Variants in PLOD1 observed in about 807,000 individuals in gnomAD.
PLOD1 encodes the protein procollagen-lysine,2-oxoglutarate 5-dioxygenase 1, also known as lysine hydroxylase.
Under a neutral mutation model 94.7 loss-of-function variants are expected in PLOD1, and 70 were observed. The ratio of observed to expected loss-of-function variants is 0.74; its 90% confidence interval spans 0.61 to 0.90. The LOEUF (loss-of-function observed/expected upper bound fraction) is 0.90. Ranked by LOEUF, PLOD1 falls within the 40% of genes least tolerant of loss-of-function variation. The pLI, the probability that PLOD1 is intolerant of heterozygous loss-of-function variation, is 0.00. For synonymous variants in PLOD1, 417 were observed against 400.2 expected, an observed-to-expected ratio of 1.04 and a Z score of -0.50; for missense variants, 905 against 972.7, an observed-to-expected ratio of 0.93 and a Z score of 0.93.
At chr1:11,961,878 T>C (rs1459243986) in intron 10 of PLOD1, among the ~76,000 whole-genome samples, 2 of 152,194 alleles carry the variant, frequency 1.3e-5, no homozygotes, top group Non-Finnish European at 2.9e-5. Flanking sequence ...AACCTCCCCG[T>C]CCCAGGTTCA....
rs1047089935 is a variant in PLOD1 at position 11,963,626 on chromosome 1, C to A, written c.1192C>A (p.Gln398Lys). The A allele has an allele frequency of 8.8e-6, 14 of 1,591,952 alleles. No homozygotes were observed. Among genetic ancestry groups the A allele is most frequent in the Non-Finnish European group, 1.2e-5 (14 of 1,169,206 alleles). Residue 398 changes from glutamine to lysine, a missense_variant, in exon 11 of 19, where the codon CAA becomes AAA. By Grantham distance (53) the Gln-to-Lys change is moderately conservative. Transcript: ENST00000196061. The surrounding 1 kb of genome is among the most constrained non-coding windows in gnomAD (Gnocchi z 4.3). ...TEPNSLRLLI[Q>K]QNKNVIAPLM... ...GCCCAACAGCCTGCGGCTGCTGATCCAACAGAACAAGTGAGGCTGCTCCGT... is the reference window on the plus strand; with the variant it reads ...GCCCAACAGCCTGCGGCTGCTGATCAAACAGAACAAGTGAGGCTGCTCCGT...
rs1407268183 is a variant in PLOD1 at position 11,958,657 on chromosome 1, A to C, written c.975+10A>C. 2 of 1,614,018 alleles carry C rather than the reference A, an allele frequency of 1.2e-6. No homozygotes were observed. Among genetic ancestry groups the C allele is most frequent in the East Asian group, 4.5e-5 (2 of 44,884 alleles). On this transcript the variant is annotated intron_variant, in intron 9 of 18. Coordinates refer to ENST00000196061, the MANE Select transcript of PLOD1 (RefSeq NM_000302.4). The surrounding 1 kb of genome is among the most constrained non-coding windows in gnomAD (Gnocchi z 4.3). ...TTTCATCCACAACCACGTGAGTAAC[A>C]GGCGCTCTGTGGGGTCGTCATGTGG...
chr1:11,938,508 G>A (rs1397586389), intron 1 of PLOD1, among the ~76,000 whole-genome samples: 2 of 152,166 alleles, frequency 1.3e-5, no homozygotes, highest in Non-Finnish European at 2.9e-5. Flanking sequence ...CTGGACAGGA[G>A]GACAGAGTGG....
rs964280398 is a variant in PLOD1, at chr1:11,963,996, G to A, written c.1203-179G>A. 2.6e-5 allele frequency among the ~76,000 whole-genome samples: 4 copies of A among 152,168 alleles called. No individual in the cohort carries two copies. Among genetic ancestry groups the A allele is most frequent in the African/African-American group, 9.7e-5 (4 of 41,450 alleles). On this transcript the variant is annotated intron_variant, in intron 11 of 18. Coordinates refer to ENST00000196061, the MANE Select transcript of PLOD1 (RefSeq NM_000302.4). This position sits in a 1 kb window ranked among gnomAD's most constrained non-coding sequence, Gnocchi z 4.3. ...GCTCCTGGCTGCCCCATGGGAGGGAGCAGGTACCAGAAGAGCCAAACCCCC... is the reference window on the plus strand; with the variant it reads ...GCTCCTGGCTGCCCCATGGGAGGGAACAGGTACCAGAAGAGCCAAACCCCC...
intron 1 of PLOD1, among the ~76,000 whole-genome samples, chr1:11,946,631 A>G (rs1645656429): frequency 6.6e-6 from 1 of 152,150 alleles, no homozygotes; most frequent in Non-Finnish European, 1.5e-5. Context: ...GGCCAGAGAG[A>G]TCTTCCTGGT....
chr1:11,963,065 A>G lies in PLOD1; in HGVS notation c.1098-467A>G, dbSNP rs1342668494. The stretch of plus-strand genomic sequence containing the variant: ...CAAAAAAATAAAATAAAATAAAAAT[A>G]AAAAAAAGAAAAACATAAAGCTGTT... On this transcript the variant is annotated intron_variant, in intron 10 of 18. Transcript: ENST00000196061. The surrounding 1 kb of genome is among the most constrained non-coding windows in gnomAD (Gnocchi z 4.3). Among the ~76,000 whole-genome samples, 1 of 151,986 alleles carries G rather than the reference A, an allele frequency of 6.6e-6. No homozygotes were observed. Among genetic ancestry groups the G allele is most frequent in the East Asian group, 1.9e-4 (1 of 5,190 alleles).
At chr1:11,948,281 T>C (rs1167170155) in intron 2 of PLOD1, among the ~76,000 whole-genome samples, 1 of 151,450 alleles carries the variant, frequency 6.6e-6, no homozygotes, top group Non-Finnish European at 1.5e-5. Flanking sequence ...AGGGAAAGAG[T>C]TGGCTAAAGA....
At position 11,965,563 on chromosome 1, in the gene PLOD1, C is replaced by G. The variant is rs759491848; in HGVS notation, c.1554C>G (p.Asn518Lys). ...LDSYRTTHLHNDLWEVFSNPE... is the reference protein window; with the variant it reads ...LDSYRTTHLHKDLWEVFSNPE... ...GCTACCGCACCACCCACCTGCACAA[C>G]GACCTCTGGGAGGTGTTCAGCAACC... The change falls in exon 14 of 19, where the codon AAC (asparagine) becomes AAG (lysine). Residue 518 changes from asparagine (N) to lysine (K), a missense_variant. Transcript: ENST00000196061. The G allele has an allele frequency of 2.5e-6, 4 of 1,613,218 alleles. No homozygotes were observed. Among genetic ancestry groups the G allele is most frequent in the South Asian group, 1.1e-5 (1 of 91,078 alleles).
chr1:11,964,327 T>TCCTCCCGGGGGGGGGGGGGGGGGGG, intron 12 of PLOD1, 27 bp downstream of exon 12: 1 of 546,372 alleles, frequency 1.8e-6, no homozygotes, highest in Non-Finnish European at 3.2e-6. Flanking sequence ...TGGGGGTGGG[T>TCCTCCCGGGGGGGGGGGGGGGGGGG]GGGGGACACC....
At chr1:11,935,984 A>G (rs2092857) in intron 1 of PLOD1, among the ~76,000 whole-genome samples, 17,903 of 151,914 alleles carry the variant, frequency 0.12, 1,599 homozygotes, top group African/African-American at 0.26. Flanking sequence ...ATGTGCCACC[A>G]TGCCCAGCTA....
chr1:11,946,544 T>G (rs1334970970), intron 1 of PLOD1, among the ~76,000 whole-genome samples: 10 of 152,218 alleles, frequency 6.6e-5, no homozygotes, highest in Admixed American at 5.2e-4. Context: ...ATTAGCAATG[T>G]CTGTCCTGGG....
At chr1:11,950,266 A>AGC (rs570145177) in intron 3 of PLOD1, 91 bp from the exon 4 acceptor site, 9 of 1,277,274 alleles carry the variant, frequency 7.0e-6, no homozygotes, top group Non-Finnish European at 1.0e-5. Flanking sequence ...CCATTTGTGG[A>AGC]GCACTTGATC....
chr1:11,966,346 G>A (rs892437569), intron 15 of PLOD1, 30 bp downstream of exon 15: 1 of 1,544,886 alleles, frequency 6.5e-7, no homozygotes. Flanking sequence ...TCTTGGACCA[G>A]CCTTGCCTGC....
intron 12 of PLOD1, 127 bp from the exon 13 acceptor site, chr1:11,964,517 C>A (rs1474825808): frequency 9.0e-6 from 9 of 996,476 alleles, no homozygotes; most frequent in South Asian, 5.3e-5. Flanking sequence ...ATTGTGCCCC[C>A]CTAGCCTGTG....
chr1:11,957,876 G>T lies in PLOD1; in HGVS notation c.776G>T (p.Arg259Leu). Residue 259 changes from arginine (R) to leucine (L), a missense_variant, in exon 8 of 19, where the codon CGC becomes CTC. Physicochemically the swap from Arg to Leu is moderately radical, Grantham distance 102. Coordinates refer to ENST00000196061, the MANE Select transcript of PLOD1 (RefSeq NM_000302.4). This position sits in a 1 kb window ranked among gnomAD's most constrained non-coding sequence, Gnocchi z 4.1. ...QLNYLGNYIP[R>L]FWTFETGCTV... ...AACTACCTGGGCAACTACATCCCGC[G>T]CTTCTGGACCTTCGAAACAGGCTGC... 1 of 1,614,094 alleles carries T rather than the reference G, an allele frequency of 6.2e-7. No homozygotes were observed. Among genetic ancestry groups the T allele is most frequent in the African/African-American group, 1.3e-5 (1 of 75,022 alleles).
rs191817164 is a variant in PLOD1, at chr1:11,966,979, C to T, written c.1651-8C>T. On this transcript the variant is annotated splice_region_variant and splice_polypyrimidine_tract_variant and intron_variant, in intron 15 of 18. Coordinates refer to ENST00000196061, the MANE Select transcript of PLOD1 (RefSeq NM_000302.4). ...GGACCCCCTTGACTGAGTCCCTGCCCTCCCCAGCCCTGCCCGGATGTCTAT... is the reference window on the plus strand; with the variant it reads ...GGACCCCCTTGACTGAGTCCCTGCCTTCCCCAGCCCTGCCCGGATGTCTAT... The T allele has an allele frequency of 1.5e-5, 24 of 1,585,836 alleles. No individual in the cohort carries two copies. In the African/African-American group the frequency reaches 1.6e-4, roughly 11 times the overall value.
chr1:11,950,562 T>C lies in PLOD1; in HGVS notation c.466+42T>C, dbSNP rs764502068. 8.8e-6 allele frequency: 14 copies of C among 1,591,956 alleles called. No homozygotes were observed. In the East Asian group the frequency reaches 2.9e-4, roughly 33 times the overall value. ...CAGGGCGCTTGGCCCAGCAGAGGGG[T>C]CCATCTACTGCCTTTGTGGGGACCC... is the stretch of plus-strand genomic sequence containing the variant. On this transcript the variant is annotated intron_variant, in intron 4 of 18. Transcript: ENST00000196061.
intron 2 of PLOD1, among the ~76,000 whole-genome samples, chr1:11,948,986 A>G (rs1409059022): frequency 6.6e-6 from 1 of 152,200 alleles, no homozygotes; most frequent in African/African-American, 2.4e-5. Flanking sequence ...ATCAGCTCAC[A>G]TGAATGAGGG....
In PLOD1 at chr1:11,957,743, TG is replaced by T; in HGVS notation, c.742-97del. The T allele has an allele frequency of 1.2e-6, 1 of 817,326 alleles. No homozygotes were observed. The highest frequency in any genetic ancestry group is 2.2e-6 in the Non-Finnish European group (1 of 452,714). The allele number at this position is 817,326 out of a possible 1,614,324, so 50.6% of individuals were successfully genotyped here. On this transcript the variant is annotated intron_variant, in intron 7 of 18. Transcript: ENST00000196061. The surrounding 1 kb of genome is among the most constrained non-coding windows in gnomAD (Gnocchi z 4.1). The stretch of plus-strand genomic sequence containing the variant: ...ACCCTCTTAGGGAGTGGGAGGGGGC[TG>T]GATGGTGCTGACCCACTGGGGGCCC...
Sources: allele counts gnomAD v4.1 joint callset (sites outside exome capture counted in the v4.1 genomes callset), GRCh38; gene constraint gnomAD v4.1.1; non-coding constraint Gnocchi (gnomAD v3.1); transcripts MANE v1.5; gene names NCBI Gene and HGNC (gene_info 2026-07-23, HGNC 2026-07-21).